LRRTM4: variants seen among roughly 807,000 people sequenced by gnomAD.
LRRTM4 encodes leucine rich repeat transmembrane neuronal 4, also known as leucine-rich repeat transmembrane neuronal protein 4.
Under a neutral mutation model 47.6 loss-of-function variants are expected in LRRTM4, and 25 were observed. That is an observed-to-expected ratio of 0.53 (90% CI 0.38 to 0.73). The LOEUF (loss-of-function observed/expected upper bound fraction) is 0.73. Ranked by LOEUF, LRRTM4 falls within the 30% of genes least tolerant of loss-of-function variation. The pLI is 0.00. For missense variants in LRRTM4, 638 were observed against 713.4 expected (o/e 0.89, Z 1.20); for synonymous variants, 311 against 269.5 (o/e 1.15, Z -1.51).
intron 3 of LRRTM4, among the ~76,000 whole-genome samples, chr2:76,885,173 C>T (rs1673034337): frequency 6.6e-6 from 1 of 151,950 alleles, no homozygotes; most frequent in Non-Finnish European, 1.5e-5. Flanking sequence ...TTAAAAACCA[C>T]TCTAACTTCC....
intron 3 of LRRTM4, among the ~76,000 whole-genome samples, chr2:77,073,412 C>G (rs569513274): frequency 1.4e-3 from 192 of 140,290 alleles, no homozygotes; most frequent in Non-Finnish European, 2.3e-3. Context: ...TTATTATTAT[C>G]TATTATACAT....
At chr2:76,997,960 A>C (rs1002234591) in intron 3 of LRRTM4, among the ~76,000 whole-genome samples, 2 of 152,010 alleles carry the variant, frequency 1.3e-5, no homozygotes, top group Non-Finnish European at 2.9e-5. Flanking sequence ...TGATGATGTT[A>C]CTGTCTCCCA....
At chr2:77,474,178 A>T (rs1420555787) in intron 3 of LRRTM4, among the ~76,000 whole-genome samples, 1 of 152,092 alleles carries the variant, frequency 6.6e-6, no homozygotes, top group Non-Finnish European at 1.5e-5. Flanking sequence ...AAAAGTTAAC[A>T]TGTGTGGAGG....
intron 3 of LRRTM4, among the ~76,000 whole-genome samples, chr2:77,477,987 T>G (rs543043680): frequency 1.3e-5 from 2 of 151,300 alleles, no homozygotes; most frequent in Non-Finnish European, 2.9e-5. Flanking sequence ...AAAAGCCACA[T>G]GAGGCAATTA....
intron 3 of LRRTM4, among the ~76,000 whole-genome samples, chr2:77,158,057 C>A: frequency 6.6e-6 from 1 of 152,000 alleles, no homozygotes; most frequent in Non-Finnish European, 1.5e-5. Context: ...GGTGAAAAAA[C>A]AATAAAGAAA....
chr2:77,142,028 A>G (rs1224675279), intron 3 of LRRTM4, among the ~76,000 whole-genome samples: 1 of 152,212 alleles, frequency 6.6e-6, no homozygotes, highest in Non-Finnish European at 1.5e-5. Context: ...AAATAGACTG[A>G]AAAATCTTTA....
intron 3 of LRRTM4, among the ~76,000 whole-genome samples, chr2:77,383,387 T>C (rs572284688): frequency 6.6e-6 from 1 of 152,132 alleles, no homozygotes; most frequent in African/African-American, 2.4e-5. Flanking sequence ...AATATCCGGA[T>C]GATCTTTCTT....
At position 77,014,201 on chromosome 2, in the gene LRRTM4, C is replaced by T. The variant is rs1432990707; in HGVS notation, c.1552-265285G>A. 2.0e-5 allele frequency among the ~76,000 whole-genome samples: 3 copies of T among 152,004 alleles called. 1 individual carries two copies. The highest frequency in any genetic ancestry group is 4.4e-5 in the Non-Finnish European group (3 of 68,008). On this transcript the variant is annotated intron_variant, in intron 3 of 3. Transcript: ENST00000409884. ...GAGGAGTATACAAAGGCAAACAAGG[C>T]TGAGAAGGCCAAATTCAAAAGTAAC...
intron 3 of LRRTM4, among the ~76,000 whole-genome samples, chr2:76,790,742 A>C (rs780569943): frequency 7.3e-5 from 11 of 151,470 alleles, no homozygotes; most frequent in Non-Finnish European, 5.9e-5. Flanking sequence ...GCAAAATGTC[A>C]GTATCTTCCA....
intron 3 of LRRTM4, among the ~76,000 whole-genome samples, chr2:77,224,420 G>A (rs1674741061): frequency 6.6e-6 from 1 of 152,096 alleles, no homozygotes; most frequent in South Asian, 2.1e-4. Flanking sequence ...AGAGCGAACA[G>A]GCAACCTACA....
chr2:77,431,412 T>C (rs1222713429), intron 3 of LRRTM4, among the ~76,000 whole-genome samples: 1 of 148,674 alleles, frequency 6.7e-6, no homozygotes, highest in Non-Finnish European at 1.5e-5. Flanking sequence ...ACTCAACTTC[T>C]TAATACTATC....
intron 3 of LRRTM4, among the ~76,000 whole-genome samples, chr2:77,133,759 T>C (rs1251239592): frequency 6.6e-6 from 1 of 152,182 alleles, no homozygotes; most frequent in East Asian, 1.9e-4. Context: ...CTCCTCACTG[T>C]ATGTGTTGCT....
At chr2:77,175,897 G>A (rs1039650425) in intron 3 of LRRTM4, among the ~76,000 whole-genome samples, 1 of 151,690 alleles carries the variant, frequency 6.6e-6, no homozygotes, top group Non-Finnish European at 1.5e-5. Flanking sequence ...GACCTCAAGT[G>A]ATCTGCCTGC....
chr2:77,049,259 G>T (rs530648781), intron 3 of LRRTM4, among the ~76,000 whole-genome samples: 3 of 149,486 alleles, frequency 2.0e-5, no homozygotes, highest in African/African-American at 7.4e-5. Flanking sequence ...TACAATAAAC[G>T]TGGGAATGCA....
intron 3 of LRRTM4, among the ~76,000 whole-genome samples, chr2:77,415,473 C>A (rs1210186211): frequency 6.6e-6 from 1 of 152,068 alleles, no homozygotes. Flanking sequence ...ATTCATATAG[C>A]CTTCTTAAAT....
At chr2:77,300,864 A>G (rs998883905) in intron 3 of LRRTM4, among the ~76,000 whole-genome samples, 3 of 152,132 alleles carry the variant, frequency 2.0e-5, no homozygotes, top group African/African-American at 4.8e-5. Flanking sequence ...AAAAATTCCA[A>G]TACATACTAA....
chr2:76,882,650 G>C (rs1048624862), intron 3 of LRRTM4, among the ~76,000 whole-genome samples: 3 of 152,086 alleles, frequency 2.0e-5, no homozygotes, highest in Non-Finnish European at 4.4e-5. Context: ...GTTGTAAAAA[G>C]GTAAGGCCAG....
chr2:77,048,626 T>A (rs945638547), intron 3 of LRRTM4, among the ~76,000 whole-genome samples: 2 of 151,986 alleles, frequency 1.3e-5, no homozygotes, highest in East Asian at 3.9e-4. Context: ...TGAATTTTTC[T>A]TATTATTATT....
At chr2:76,790,806 C>T (rs570400068) in intron 3 of LRRTM4, among the ~76,000 whole-genome samples, 1 of 152,024 alleles carries the variant, frequency 6.6e-6, no homozygotes, top group Non-Finnish European at 1.5e-5. Context: ...CTGTTTCTGC[C>T]ATAGAAACAA....
Sources: gnomAD v4.1 joint callset for allele counts (sites outside exome capture counted in the v4.1 genomes callset) on GRCh38, gnomAD v4.1.1 for gene constraint, MANE v1.5 for transcripts, NCBI Gene and HGNC (gene_info 2026-07-23, HGNC 2026-07-21) for gene names.